Variants in GTF2E1 observed in about 807,000 individuals in gnomAD.
The protein encoded by GTF2E1 is TFIIE alpha subunit.
GTF2E1 carries 14 observed loss-of-function variants against 34.9 expected under a neutral mutation model. The observed-to-expected ratio is 0.40, with a 90% CI of 0.27 to 0.63. The LOEUF (loss-of-function observed/expected upper bound fraction) is 0.63, where lower values mean the gene tolerates loss of function less well. Among genes scored for constraint, GTF2E1 ranks in the 20% least tolerant of loss-of-function variants. The pLI is 0.39. For missense variants in GTF2E1, 469 were observed against 557.7 expected, an observed-to-expected ratio of 0.84 and a Z score of 1.60; for synonymous variants, 188 against 192.9, an observed-to-expected ratio of 0.97 and a Z score of 0.21.
chr3:120,758,737 C>G (rs1349393188), intron 2 of GTF2E1, among the ~76,000 whole-genome samples: 3 of 152,156 alleles, frequency 2.0e-5, no homozygotes, highest in African/African-American at 7.2e-5. Flanking sequence ...CATGTCCCTG[C>G]AAAGGACATG....
chr3:120,758,663 C>T (rs528996707), intron 2 of GTF2E1, among the ~76,000 whole-genome samples: 14 of 151,962 alleles, frequency 9.2e-5, no homozygotes, highest in African/African-American at 1.9e-4. Context: ...TGAGTGAGAA[C>T]GTGAGGTGTT....
At chr3:120,781,006 A>G (rs780658064) in intron 4 of GTF2E1, 37 bp from the exon 5 acceptor site, 2 of 1,386,686 alleles carry the variant, frequency 1.4e-6, no homozygotes, top group Non-Finnish European at 2.0e-6. Context: ...TGCCATTTAT[A>G]TTTAAGGATA....
intron 2 of GTF2E1, among the ~76,000 whole-genome samples, chr3:120,766,263 A>G (rs2107610392): frequency 6.6e-6 from 1 of 152,288 alleles, no homozygotes; most frequent in East Asian, 1.9e-4. Flanking sequence ...TTTTATGCAG[A>G]CACTCAGTTA....
In GTF2E1 at chr3:120,776,630, C is replaced by T. The variant is rs1174729316; in HGVS notation, c.858C>T (p.Val286=). The T allele has an allele frequency of 1.5e-5, 25 of 1,613,472 alleles. No homozygotes were observed. In the East Asian group the frequency reaches 5.3e-4, roughly 35 times the overall value. The change falls in exon 4 of 5, where the codon GTC becomes GTT. Residue 286 remains valine, a synonymous_variant. Coordinates refer to ENST00000283875, the MANE Select transcript of GTF2E1 (RefSeq NM_005513.3). ...ERPIWLREST[V]QGAYGSEDMK... Reference sequence around the variant, plus strand: ...CTATTTGGTTGAGAGAAAGCACTGTCCAAGGGGCATATGGTTCTGAAGATA... The same window carrying T: ...CTATTTGGTTGAGAGAAAGCACTGTTCAAGGGGCATATGGTTCTGAAGATA...
chr3:120,747,937 C>G (rs1298317626), intron 1 of GTF2E1, among the ~76,000 whole-genome samples: 1 of 152,056 alleles, frequency 6.6e-6, no homozygotes. Flanking sequence ...TTAATGATTG[C>G]CATTCTAACT....
At chr3:120,777,688 G>A (rs1009770202) in intron 4 of GTF2E1, among the ~76,000 whole-genome samples, 9 of 152,118 alleles carry the variant, frequency 5.9e-5, no homozygotes, top group Non-Finnish European at 8.8e-5. Flanking sequence ...GTTTTCCAAG[G>A]CAACCATACT....
At position 120,760,819 on chromosome 3, in the gene GTF2E1, C is replaced by T. The variant is rs552745945; in HGVS notation, c.448+9819C>T. On this transcript the variant is annotated intron_variant, in intron 2 of 4. Transcript: ENST00000283875. ...AAGCTTTTTGATGTGCTGCTGGATT[C>T]GGTTTGCCAGTATTGTAGTGAGGAT... is the stretch of plus-strand genomic sequence containing the variant. Among the ~76,000 whole-genome samples the T allele has an allele frequency of 8.5e-5, 13 of 152,212 alleles. No homozygotes were observed. The East Asian group carries it at 9.6e-4, about 11-fold the overall frequency.
At chr3:120,757,459 A>T (rs1307243913) in intron 2 of GTF2E1, among the ~76,000 whole-genome samples, 1 of 151,132 alleles carries the variant, frequency 6.6e-6, no homozygotes, top group African/African-American at 2.4e-5. Flanking sequence ...TTGCAGTGTT[A>T]AGTGTTCTGT....
chr3:120,749,972 C>G (rs368970229), intron 1 of GTF2E1: 71 of 152,368 alleles, frequency 4.7e-4, no homozygotes, highest in African/African-American at 1.6e-3. Flanking sequence ...CTGTCTGGAT[C>G]TAAGTATTAC....
rs1312964560 is a variant in GTF2E1, at chr3:120,781,202, G to A, written c.1052G>A (p.Gly351Asp). Residue 351 changes from glycine to aspartate, a missense_variant, in exon 5 of 5, where the codon GGC (glycine) becomes GAC (aspartate). By Grantham distance (94) the Gly-to-Asp change is moderately conservative (BLOSUM62 -1). Transcript: ENST00000283875. ...GCTGCTCCAGTGACCGCTGCCAATG[G>A]CAGTGACTCAGAAAGCGAGACCAGT... is the stretch of plus-strand genomic sequence containing the variant. ...GAAAPVTAAN[G>D]SDSESETSES... The A allele has an allele frequency of 3.7e-6, 6 of 1,614,064 alleles. No individual in the cohort carries two copies. In the African/African-American group the frequency reaches 4.0e-5, roughly 11 times the overall value.
At chr3:120,767,123 C>T (rs1709316392) in intron 2 of GTF2E1, among the ~76,000 whole-genome samples, 1 of 152,080 alleles carries the variant, frequency 6.6e-6, no homozygotes, top group Admixed American at 6.6e-5. Context: ...TCAGAGATGT[C>T]AGGCTAGCTT....
chr3:120,758,440 C>CT (rs35784498), intron 2 of GTF2E1, among the ~76,000 whole-genome samples: 14 of 151,792 alleles, frequency 9.2e-5, no homozygotes, highest in African/African-American at 3.4e-4. Context: ...TTTTATTATA[C>CT]TTTTAAGTTC....
chr3:120,778,828 A>T (rs1236831282), intron 4 of GTF2E1, among the ~76,000 whole-genome samples: 2 of 152,198 alleles, frequency 1.3e-5, no homozygotes, highest in African/African-American at 4.8e-5. Flanking sequence ...AGCTTGGATC[A>T]TATCTTTCAG....
At position 120,776,382 on chromosome 3, in the gene GTF2E1, A is replaced by G. The variant is rs765136887; in HGVS notation, c.651-41A>G. On this transcript the variant is annotated intron_variant, in intron 3 of 4. Coordinates refer to ENST00000283875, the MANE Select transcript of GTF2E1 (RefSeq NM_005513.3). Reference sequence around the variant, plus strand: ...CCTTCTTTTCCAACACCAAGACATTAATTTTTCTTCTTCCTGTACTCCTCT... The same window carrying G: ...CCTTCTTTTCCAACACCAAGACATTGATTTTTCTTCTTCCTGTACTCCTCT... 4 of 1,565,958 alleles carry G rather than the reference A, an allele frequency of 2.6e-6. No individual in the cohort carries two copies. In the Admixed American group the frequency reaches 5.8e-5, roughly 23 times the overall value.
intron 1 of GTF2E1, among the ~76,000 whole-genome samples, chr3:120,744,225 T>A (rs886420891): frequency 6.6e-6 from 1 of 152,178 alleles, no homozygotes; most frequent in South Asian, 2.1e-4. Flanking sequence ...TTTGAAACAT[T>A]CTTTGGGTGA....
Position 120,781,540 on chromosome 3 carries a change from G to C in GTF2E1, c.*70G>C. ...AGGAATGTCTCATCTTTGAAGAAAA[G>C]TATTTAAGTGGCTTTCTGCCCCTCT... On this transcript the variant is annotated 3_prime_UTR_variant, in exon 5 of 5. Coordinates refer to ENST00000283875, the MANE Select transcript of GTF2E1 (RefSeq NM_005513.3). 8.3e-7 allele frequency: 1 copy of C among 1,200,588 alleles called. No individual in the cohort carries two copies. The highest frequency in any genetic ancestry group is 2.4e-5 in the East Asian group (1 of 41,526). 74.4% of individuals were successfully genotyped at this position (1,200,588 alleles called of 1,614,324 possible).
rs1354888811 is a variant in GTF2E1, at chr3:120,746,711, ATTGC to A, written c.-30-3808_-30-3805del. On this transcript the variant is annotated intron_variant, in intron 1 of 4. Transcript: ENST00000283875. ...CTACTGGGGAGTTTGAGGTGGGAAG[ATTGC>A]TTGAGCCCAGGAGGTTGAGACTGCA... 2.0e-5 allele frequency among the ~76,000 whole-genome samples: 3 copies of A among 152,122 alleles called. No homozygotes were observed. The East Asian group carries it at 5.8e-4, about 29-fold the overall frequency.
chr3:120,782,832 G>T lies in GTF2E1; in HGVS notation c.*1362G>T, dbSNP rs1709459756. On this transcript the variant is annotated 3_prime_UTR_variant, in exon 5 of 5. Coordinates refer to ENST00000283875, the MANE Select transcript of GTF2E1 (RefSeq NM_005513.3). ...AACCTCAGGAAACAGTTTATTTTGG[G>T]TTCTGATATGTAGCATGGTATTTTC... 6.6e-6 allele frequency: 1 copy of T among 152,084 alleles called. No individual in the cohort carries two copies. Among genetic ancestry groups the T allele is most frequent in the Non-Finnish European group, 1.5e-5 (1 of 68,020 alleles). The allele number at this position is 152,084 out of a possible 1,614,324, so 9.4% of individuals were successfully genotyped here.
At chr3:120,749,530 G>C (rs1038972560) in intron 1 of GTF2E1, among the ~76,000 whole-genome samples, 1 of 151,976 alleles carries the variant, frequency 6.6e-6, no homozygotes. Flanking sequence ...TTTTGTCTTT[G>C]GTTCTGTTTA....
Sources: gnomAD v4.1 joint callset for allele counts (sites outside exome capture counted in the v4.1 genomes callset) on GRCh38, gnomAD v4.1.1 for gene constraint, MANE v1.5 for transcripts, NCBI Gene and HGNC (gene_info 2026-07-23, HGNC 2026-07-21) for gene names.